Variants in HRH1 observed in about 807,000 individuals in gnomAD.
HRH1 encodes histamine receptor H1.
Under a neutral mutation model 10.3 loss-of-function variants are expected in HRH1, and 6 were observed. That is an observed-to-expected ratio of 0.58 (90% CI 0.32 to 1.15). HRH1 has a LOEUF of 1.15. Among genes scored for constraint, HRH1 ranks in the 50% most tolerant of loss-of-function variants. The pLI is 0.05. For missense variants in HRH1, 514 were observed against 615.3 expected, an observed-to-expected ratio of 0.84 and a Z score of 1.74; for synonymous variants, 242 against 236.7, an observed-to-expected ratio of 1.02 and a Z score of -0.21.
At chr3:11,219,257 A>G (rs752633658) in intron 1 of HRH1, among the ~76,000 whole-genome samples, 7 of 152,168 alleles carry the variant, frequency 4.6e-5, no homozygotes, top group Non-Finnish European at 8.8e-5. Flanking sequence ...AGAAAACCAT[A>G]CAAACCTAGC....
intron 1 of HRH1, among the ~76,000 whole-genome samples, chr3:11,187,253 C>T (rs995681983): frequency 6.6e-6 from 1 of 152,052 alleles, no homozygotes; most frequent in Non-Finnish European, 1.5e-5. Flanking sequence ...TTTCAGTCTC[C>T]TGTGACACAA....
At chr3:11,250,208 AT>A (rs71055857) in intron 1 of HRH1, among the ~76,000 whole-genome samples, 1,962 of 106,838 alleles carry the variant, frequency 0.018, 28 homozygotes, top group African/African-American at 0.062. Flanking sequence ...CACCCGGCTA[AT>A]TTTTTTTTTT....
Position 11,259,432 on chromosome 3 carries a change from CCCTCAGGTA to C in HRH1, c.399_407del (p.Arg134_Leu136del), listed in dbSNP as rs780356636. 1 of 1,613,750 alleles carries C rather than the reference CCCTCAGGTA, an allele frequency of 6.2e-7. No homozygotes were observed. Among genetic ancestry groups the C allele is most frequent in the East Asian group, 2.2e-5 (1 of 44,868 alleles). On this transcript the variant is annotated inframe_deletion, in exon 2 of 2. Transcript: ENST00000431010. The surrounding 1 kb of genome is among the most constrained non-coding windows in gnomAD (Gnocchi z 4.6). ...GATCGCTACCGCTCTGTCCAGCAGC[CCCTCAGGTA>C]CCTTAAGTATCGTACCAAGACCCGA...
chr3:11,192,071 CA>C (rs1342932701), intron 1 of HRH1, among the ~76,000 whole-genome samples: 2 of 152,204 alleles, frequency 1.3e-5, no homozygotes, highest in Non-Finnish European at 2.9e-5. Context: ...AGACATTGTC[CA>C]CTGGGCATGA....
intron 1 of HRH1, among the ~76,000 whole-genome samples, chr3:11,157,793 TATCAC>T (rs1220624052): frequency 6.6e-6 from 1 of 152,244 alleles, no homozygotes; most frequent in Non-Finnish European, 1.5e-5. Context: ...TGTTAGAAAC[TATCAC>T]ATCCCAACAG....
chr3:11,195,403 G>A (rs1002213697), intron 1 of HRH1, among the ~76,000 whole-genome samples: 1 of 152,206 alleles, frequency 6.6e-6, no homozygotes, highest in African/African-American at 2.4e-5. Context: ...GGCCTTGAAA[G>A]CCAACTGTGC....
In HRH1 at chr3:11,147,156, C is replaced by G. The variant is rs142125628; in HGVS notation, c.-36+9757C>G. Among the ~76,000 whole-genome samples, 104 of 152,308 alleles carry G rather than the reference C, an allele frequency of 6.8e-4. No homozygotes were observed. In the East Asian group the frequency reaches 0.014, roughly 20 times the overall value. On this transcript the variant is annotated intron_variant, in intron 1 of 1. Coordinates refer to the HRH1 transcript ENST00000438284. ...CCACAGTCCCACTTTTCACACTGTA[C>G]TATGCTTATTTGTTTTCCTTTCCTC...
chr3:11,194,825 T>G (rs1262745206), intron 1 of HRH1, among the ~76,000 whole-genome samples: 1 of 152,062 alleles, frequency 6.6e-6, no homozygotes, highest in African/African-American at 2.4e-5. Context: ...AAAAAATAAA[T>G]AAATGAATAA....
At chr3:11,230,788 A>G (rs1457806273) in intron 1 of HRH1, among the ~76,000 whole-genome samples, 2 of 152,144 alleles carry the variant, frequency 1.3e-5, no homozygotes, top group African/African-American at 4.8e-5. Flanking sequence ...CAAGGTATCA[A>G]TATGAGTTTT....
intron 1 of HRH1, among the ~76,000 whole-genome samples, chr3:11,179,317 T>A (rs1328277086): frequency 6.6e-6 from 1 of 150,482 alleles, no homozygotes; most frequent in Non-Finnish European, 1.5e-5. Flanking sequence ...ATTTAAAAAA[T>A]TTAAAAAAGA....
intron 1 of HRH1, among the ~76,000 whole-genome samples, chr3:11,185,246 G>T (rs571580458): frequency 6.6e-6 from 1 of 152,166 alleles, no homozygotes; most frequent in Non-Finnish European, 1.5e-5. Context: ...GCATAGCGCT[G>T]AGGCTCAGGA....
rs58149660 is a variant in HRH1, at chr3:11,223,183, C to CAAAAAAA, written c.-35-35798_-35-35792dup. ...CTGGCGACAAAGCGAGACTTCGTCT[C>CAAAAAAA]AAAAAAAAAAAAAAAAAAAAAAAAA... On this transcript the variant is annotated intron_variant, in intron 1 of 1. Coordinates refer to ENST00000431010, the MANE Select transcript of HRH1 (RefSeq NM_001098212.2). 1.9e-4 allele frequency among the ~76,000 whole-genome samples: 5 copies of CAAAAAAA among 26,808 alleles called. 1 individual carries two copies. The highest frequency in any genetic ancestry group is 1.4e-3 in the East Asian group (1 of 740). 17.6% of individuals were successfully genotyped at this position (26,808 alleles called of 152,430 possible). A position where few individuals can be genotyped will look rare whatever the true frequency, so the allele number is the denominator to read the frequency against.
intron 1 of HRH1, among the ~76,000 whole-genome samples, chr3:11,246,055 TACAC>T (rs1246574854): frequency 1.1e-4 from 17 of 150,900 alleles, no homozygotes; most frequent in Admixed American, 2.0e-4. Flanking sequence ...TTCACACACA[TACAC>T]ACAGACTCTC....
intron 1 of HRH1, among the ~76,000 whole-genome samples, chr3:11,155,440 G>A (rs2125005500): frequency 6.6e-6 from 1 of 152,322 alleles, no homozygotes. Context: ...AGCTCCTCAA[G>A]GAAGTCACGT....
At chr3:11,255,905 G>C (rs1939769735) in intron 1 of HRH1, among the ~76,000 whole-genome samples, 1 of 152,186 alleles carries the variant, frequency 6.6e-6, no homozygotes, top group African/African-American at 2.4e-5. Context: ...GTGATTTTGG[G>C]GCCCCAAGTT....
chr3:11,142,371 C>T (rs1936307600), intron 1 of HRH1, among the ~76,000 whole-genome samples: 1 of 152,192 alleles, frequency 6.6e-6, no homozygotes, highest in Admixed American at 6.5e-5. Flanking sequence ...ATAGTTCATT[C>T]AATTACCATT....
At chr3:11,162,428 A>G (rs982895166) in intron 1 of HRH1, among the ~76,000 whole-genome samples, 2 of 150,818 alleles carry the variant, frequency 1.3e-5, no homozygotes, top group African/African-American at 4.9e-5. Flanking sequence ...CCAGCAGGGT[A>G]TGGGAGAAAT....
At chr3:11,153,517 C>G (rs1184854556), upstream of HRH1, among the ~76,000 whole-genome samples, 1 of 151,502 alleles carries the variant, frequency 6.6e-6, no homozygotes, top group African/African-American at 2.4e-5. Context: ...CCCAACCCAC[C>G]ATGTCCCACC....
At chr3:11,214,673 G>T (rs941617568) in intron 1 of HRH1, among the ~76,000 whole-genome samples, 1 of 152,200 alleles carries the variant, frequency 6.6e-6, no homozygotes, top group Non-Finnish European at 1.5e-5. Flanking sequence ...TTCAGTCCAG[G>T]GGCCCAGGGG....
Sources: gnomAD v4.1 joint callset for allele counts (sites outside exome capture counted in the v4.1 genomes callset) on GRCh38, gnomAD v4.1.1 for gene constraint, Gnocchi (gnomAD v3.1) non-coding constraint, MANE v1.5 for transcripts, NCBI Gene and HGNC (gene_info 2026-07-23, HGNC 2026-07-21) for gene names.